Variants in SLC43A2 observed in about 807,000 individuals in gnomAD.
The protein encoded by SLC43A2 is large neutral amino acids transporter small subunit 4.
In SLC43A2, 38 loss-of-function variants were observed where a neutral mutation model predicts 63.2. The ratio of observed to expected loss-of-function variants is 0.60; its 90% CI spans 0.46 to 0.79. SLC43A2 has a LOEUF of 0.79. SLC43A2 is among the 30% of genes least tolerant of loss of function. The pLI is 0.00. For synonymous variants in SLC43A2, 322 were observed against 331.0 expected (o/e 0.97, Z 0.30); for missense variants, 644 against 756.2 (o/e 0.85, Z 1.74).
Position 1,613,222 on chromosome 17 carries a change from C to G in SLC43A2, c.474G>C (p.Gly158=). Residue 158 remains glycine (G), a synonymous_variant, in exon 5 of 14, where the codon GGG becomes GGC. Transcript: ENST00000301335. The stretch of plus-strand genomic sequence containing the variant: ...TTAATGAGGTGAAGGTCATACACAT[C>G]CCACCAAAGCCATTCAGAGCCAGGG... ...FIALALNGFG[G]MCMTFTSLTL... The G allele has an allele frequency of 6.2e-7, 1 of 1,614,062 alleles. No homozygotes were observed. The highest frequency in any genetic ancestry group is 8.5e-7 in the Non-Finnish European group (1 of 1,180,020).
chr17:1,610,122 G>C (rs1370885125), intron 5 of SLC43A2, among the ~76,000 whole-genome samples: 1 of 151,788 alleles, frequency 6.6e-6, no homozygotes, highest in Non-Finnish European at 1.5e-5. Context: ...TCACCATGTT[G>C]GCCAGGCTGG....
chr17:1,574,814 G>A lies in SLC43A2; in HGVS notation c.*790C>T. On this transcript the variant is annotated 3_prime_UTR_variant, in exon 14 of 14. Transcript: ENST00000301335. ...CACCCCGGCCTGGACCTCCACGTCT[G>A]CCGGCCACAGCCTTTCGTCCACCTC... 6.6e-6 allele frequency: 1 copy of A among 152,444 alleles called. No individual in the cohort carries two copies. The highest frequency in any genetic ancestry group is 1.5e-5 in the Non-Finnish European group (1 of 68,126). 9.4% of individuals were successfully genotyped at this position (152,444 alleles called of 1,614,324 possible).
chr17:1,585,649 A>G (rs2076089984), intron 10 of SLC43A2: 17 of 1,371,800 alleles, frequency 1.2e-5, no homozygotes, highest in Non-Finnish European at 1.4e-5. Context: ...CAGCCTTTCA[A>G]AGTGCTGGGA....
chr17:1,628,291 G>A (rs1908876323), intron 1 of SLC43A2: 2 of 160,138 alleles, frequency 1.2e-5, no homozygotes. Context: ...GGAACGCAGC[G>A]TGAGGTGGGC....
In SLC43A2 at chr17:1,587,194, G is replaced by A. The variant is rs140466120; in HGVS notation, c.1079-1143C>T. On this transcript the variant is annotated intron_variant, in intron 9 of 13. Coordinates refer to ENST00000301335, the MANE Select transcript of SLC43A2 (RefSeq NM_152346.3). ...GTGGACTTGGGACAATGCCCAGCCC[G>A]GGCCCCTGCTGACATTCTCCTGTCT... Among the ~76,000 whole-genome samples the A allele has an allele frequency of 3.1e-3, 477 of 152,276 alleles. 1 individual carries two copies. The highest frequency in any genetic ancestry group is 0.01 in the African/African-American group (426 of 41,570).
rs894052387 is a variant in SLC43A2 at position 1,606,039 on chromosome 17, G to C, written c.501+7156C>G. Among the ~76,000 whole-genome samples, 1 of 152,180 alleles carries C rather than the reference G, an allele frequency of 6.6e-6. No individual in the cohort carries two copies. Among genetic ancestry groups the C allele is most frequent in the African/African-American group, 2.4e-5 (1 of 41,442 alleles). ...ACCAATGGCAAGTAGCTGACTGCCT[G>C]AGCTTCCCCAAGGTACAGGACAGAA... On this transcript the variant is annotated intron_variant, in intron 5 of 13. Transcript: ENST00000301335. The surrounding 1 kb of genome is among the most constrained non-coding windows in gnomAD (Gnocchi z 4.7).
At chr17:1,591,739 G>GGGGGGGGGGGGGGGGC (rs1567622601) in intron 6 of SLC43A2, 40 bp from the exon 7 acceptor site, 13 of 512,306 alleles carry the variant, frequency 2.5e-5, no homozygotes, top group East Asian at 4.1e-5. Flanking sequence ...GGGGGAGGGG[G>GGGGGGGGGGGGGGGGC]CAGAGTTAGC....
intron 8 of SLC43A2, 61 bp downstream of exon 8, chr17:1,591,208 G>C: frequency 6.4e-7 from 1 of 1,571,472 alleles, no homozygotes; most frequent in Non-Finnish European, 8.6e-7. Flanking sequence ...TGGGAATGGG[G>C]TGAGCCGATA....
rs1217950895 is a variant in SLC43A2, at chr17:1,627,874, T to TGGTGC, written c.-5_-1dup. ...TGGGCAGTGGCCAGGGTGGGCGCCA[T>TGGTGC]GGTGCGGCGCGGCGCGGCTCCGGCT... On this transcript the variant is annotated 5_prime_UTR_variant, in exon 2 of 14. Coordinates refer to ENST00000301335, the MANE Select transcript of SLC43A2 (RefSeq NM_152346.3). 3 of 1,562,402 alleles carry TGGTGC rather than the reference T, an allele frequency of 1.9e-6. No individual in the cohort carries two copies. The African/African-American group carries it at 4.1e-5, about 21-fold the overall frequency.
At position 1,577,096 on chromosome 17, in the gene SLC43A2, C is replaced by T; in HGVS notation, c.1425-376G>A. Among the ~76,000 whole-genome samples the T allele has an allele frequency of 6.6e-6, 1 of 152,126 alleles. No individual in the cohort carries two copies. Among genetic ancestry groups the T allele is most frequent in the East Asian group, 1.9e-4 (1 of 5,174 alleles). ...GGCCAGGCTGGTCTCAAACTCCTGA[C>T]CTTGTGATCTGCCTGCCTCGGCCTC... On this transcript the variant is annotated intron_variant, in intron 12 of 13. Coordinates refer to ENST00000301335, the MANE Select transcript of SLC43A2 (RefSeq NM_152346.3). This position sits in a 1 kb window ranked among gnomAD's most constrained non-coding sequence, Gnocchi z 4.9.
Position 1,615,052 on chromosome 17 carries a change from C to A in SLC43A2, c.369-18G>T, listed in dbSNP as rs72820352. The A allele has an allele frequency of 0.015, 24,335 of 1,613,588 alleles. 253 individuals are homozygous for A. Among genetic ancestry groups the A allele is most frequent in the Non-Finnish European group, 0.017 (19,499 of 1,179,744 alleles). On this transcript the variant is annotated intron_variant, in intron 3 of 13. Coordinates refer to ENST00000301335, the MANE Select transcript of SLC43A2 (RefSeq NM_152346.3). ...AGCAGGCGCTAAAACCAAGCAGAAA[C>A]GCAATGTTATTTACCATTATGACTT... is the stretch of plus-strand genomic sequence containing the variant.
intron 3 of SLC43A2, among the ~76,000 whole-genome samples, chr17:1,615,657 C>T (rs371095461): frequency 7.7e-6 from 1 of 129,034 alleles, no homozygotes; most frequent in African/African-American, 2.5e-5. Context: ...TCCTGGCTAA[C>T]ACAGTGAAAC....
rs1357470682 is a variant in SLC43A2 at position 1,591,719 on chromosome 17, C to T, written c.595-20G>A. ...GATGAGCTGACAGGCACCGCGGGGA[C>T]GGGGTGGGGGGGGGAGGGGGCAGAG... On this transcript the variant is annotated intron_variant, in intron 6 of 13. Transcript: ENST00000301335. 38 of 118,880 alleles carry T rather than the reference C, an allele frequency of 3.2e-4. No individual in the cohort carries two copies. The Middle Eastern group carries it at 6.4e-3, about 20-fold the overall frequency. The allele number at this position is 118,880 out of a possible 1,614,324, so 7.4% of individuals were successfully genotyped here.
intron 11 of SLC43A2, among the ~76,000 whole-genome samples, chr17:1,582,891 C>T (rs2076041324): frequency 6.6e-6 from 1 of 152,110 alleles, no homozygotes; most frequent in African/African-American, 2.4e-5. Flanking sequence ...CTAGCCTGGC[C>T]AACATGGCAA....
chr17:1,625,357 G>A (rs1390096878), intron 2 of SLC43A2, among the ~76,000 whole-genome samples: 2 of 152,178 alleles, frequency 1.3e-5, no homozygotes, highest in Non-Finnish European at 2.9e-5. Context: ...CTTTCAACAG[G>A]TTCAGGCAAA....
chr17:1,593,301 AACC>A lies in SLC43A2; in HGVS notation c.502-25_502-23del. 6.2e-7 allele frequency: 1 copy of A among 1,608,604 alleles called. No individual in the cohort carries two copies. Among genetic ancestry groups the A allele is most frequent in the Admixed American group, 1.7e-5 (1 of 59,490 alleles). ...GCAGCTGAGAGATAAGAAGCAGAGAAACCTCAGTGGGGAGGATGCACCAGGGAA... is the reference window on the plus strand; with the variant it reads ...GCAGCTGAGAGATAAGAAGCAGAGAATCAGTGGGGAGGATGCACCAGGGAA... On this transcript the variant is annotated intron_variant, in intron 5 of 13. Coordinates refer to ENST00000301335, the MANE Select transcript of SLC43A2 (RefSeq NM_152346.3). The surrounding 1 kb of genome is among the most constrained non-coding windows in gnomAD (Gnocchi z 5.3).
In SLC43A2 at chr17:1,575,462, G is replaced by A. The variant is rs561879491; in HGVS notation, c.*142C>T. On this transcript the variant is annotated 3_prime_UTR_variant, in exon 14 of 14. Transcript: ENST00000301335. The stretch of plus-strand genomic sequence containing the variant: ...TCCCGTCCTTCCACCACAGAGCTCC[G>A]AGGCAGGGCCCCGGGAGGGAGCGTG... 1.6e-3 allele frequency: 1,748 copies of A among 1,111,082 alleles called. 2 individuals are homozygous for A. Among genetic ancestry groups the A allele is most frequent in the Non-Finnish European group, 2.2e-3 (1,656 of 760,232 alleles). 68.8% of individuals were successfully genotyped at this position (1,111,082 alleles called of 1,614,324 possible). A position where few individuals can be genotyped will look rare whatever the true frequency, so the allele number is the denominator to read the frequency against.
At chr17:1,598,485 C>T (rs1208381511) in intron 5 of SLC43A2, among the ~76,000 whole-genome samples, 2 of 151,902 alleles carry the variant, frequency 1.3e-5, no homozygotes, top group Non-Finnish European at 2.9e-5. Context: ...AATGGAAGCC[C>T]AGAGCCTGGC....
At position 1,627,682 on chromosome 17, in the gene SLC43A2, G is replaced by A; in HGVS notation, c.160+33C>T. On this transcript the variant is annotated intron_variant, in intron 2 of 13. Coordinates refer to ENST00000301335, the MANE Select transcript of SLC43A2 (RefSeq NM_152346.3). ...GCCCCCTCCCAAAGCCCCAGCTCCA[G>A]GAGCCCCCCGCAACCCCAGGCGCTT... The A allele has an allele frequency of 7.9e-6, 7 of 886,800 alleles. No homozygotes were observed. In the South Asian group the frequency reaches 1.1e-4, roughly 14 times the overall value. 54.9% of individuals were successfully genotyped at this position (886,800 alleles called of 1,614,324 possible). A position where few individuals can be genotyped will look rare whatever the true frequency, so the allele number is the denominator to read the frequency against.
Sources: allele counts gnomAD v4.1 joint callset (sites outside exome capture counted in the v4.1 genomes callset), GRCh38; gene constraint gnomAD v4.1.1; non-coding constraint Gnocchi (gnomAD v3.1); transcripts MANE v1.5; gene names NCBI Gene and HGNC (gene_info 2026-07-23, HGNC 2026-07-21).